DMXL1: variants seen among roughly 807,000 people sequenced by gnomAD.
DMXL1 encodes the protein dmX-like protein 1.
In DMXL1, 99 loss-of-function variants were observed where a neutral mutation model predicts 319.2. That is an observed-to-expected ratio of 0.31 (90% CI 0.26 to 0.37). The LOEUF (loss-of-function observed/expected upper bound fraction) is 0.37. Among genes scored for constraint, DMXL1 ranks in the 10% least tolerant of loss-of-function variants. The probability of loss-of-function intolerance (pLI) is 1.00; values close to 1 mark genes in which losing one functional copy is unlikely to be tolerated. For synonymous variants in DMXL1, 1,385 were observed against 1,235.2 expected, an observed-to-expected ratio of 1.12 and a Z score of -2.54; for missense variants, 3,745 against 3,595.6, an observed-to-expected ratio of 1.04 and a Z score of -1.06.
At chr5:119,097,413 A>T (rs905310204) in intron 1 of DMXL1, among the ~76,000 whole-genome samples, 2 of 152,196 alleles carry the variant, frequency 1.3e-5, no homozygotes, top group Non-Finnish European at 2.9e-5. Flanking sequence ...GGGTGGTAGC[A>T]TTCACTGGAG....
chr5:119,112,424 A>G (rs1759841076), intron 5 of DMXL1, among the ~76,000 whole-genome samples: 1 of 152,186 alleles, frequency 6.6e-6, no homozygotes, highest in Admixed American at 6.5e-5. Flanking sequence ...CTATGAACAG[A>G]TAGGGGTAGA....
chr5:119,191,784 G>T (rs1459534608), intron 29 of DMXL1, among the ~76,000 whole-genome samples: 164 of 152,272 alleles, frequency 1.1e-3, no homozygotes, highest in Non-Finnish European at 2.8e-4. Context: ...AGTCTTCACA[G>T]CCTTCCCTGC....
chr5:119,169,524 T>C (rs1774133799), intron 23 of DMXL1, among the ~76,000 whole-genome samples: 1 of 152,178 alleles, frequency 6.6e-6, no homozygotes, highest in African/African-American at 2.4e-5. Flanking sequence ...AGGTGAACTT[T>C]GATCAGAGAA....
intron 1 of DMXL1, among the ~76,000 whole-genome samples, chr5:119,083,847 G>A (rs969422599): frequency 1.3e-5 from 2 of 151,834 alleles, no homozygotes; most frequent in African/African-American, 4.8e-5. Context: ...CAGTTTTTAG[G>A]TTTTTGAGAA....
chr5:119,247,432 A>G lies in DMXL1; in HGVS notation c.*213A>G. ...TTGCCTAAAGTAGAATGTGTAAGTA[A>G]TGCTGTAATAATACATATCATAGTA... On this transcript the variant is annotated 3_prime_UTR_variant, in exon 44 of 44. Transcript: ENST00000539542. The G allele has an allele frequency of 4.5e-6, 2 of 440,278 alleles. No individual in the cohort carries two copies. Among genetic ancestry groups the G allele is most frequent in the Admixed American group, 7.2e-5 (2 of 27,960 alleles). 27.3% of individuals were successfully genotyped at this position (440,278 alleles called of 1,614,324 possible).
chr5:119,182,032 C>G (rs1330958758), intron 28 of DMXL1, among the ~76,000 whole-genome samples: 1 of 151,906 alleles, frequency 6.6e-6, no homozygotes, highest in Non-Finnish European at 1.5e-5. Flanking sequence ...ATTATGTTGC[C>G]CTGAAAACTT....
chr5:119,123,373 GGGA>G (rs1561645654), intron 9 of DMXL1, among the ~76,000 whole-genome samples: 1 of 98,494 alleles, frequency 1.0e-5, no homozygotes, highest in South Asian at 3.8e-4. Context: ...AGGAGGGAGA[GGGA>G]GAGGGAGAGG....
chr5:119,240,777 C>T (rs542594769), intron 42 of DMXL1, among the ~76,000 whole-genome samples: 1 of 152,256 alleles, frequency 6.6e-6, no homozygotes, highest in African/African-American at 2.4e-5. Context: ...TCTTACCACT[C>T]CTATTCAACA....
At chr5:119,151,025 A>G (rs1334262476) in intron 18 of DMXL1, among the ~76,000 whole-genome samples, 1 of 152,220 alleles carries the variant, frequency 6.6e-6, no homozygotes, top group Non-Finnish European at 1.5e-5. Context: ...GAGTTTAGCA[A>G]AATTTAACAG....
intron 35 of DMXL1, among the ~76,000 whole-genome samples, chr5:119,218,000 C>T (rs1471736284): frequency 6.6e-6 from 1 of 152,024 alleles, no homozygotes; most frequent in African/African-American, 2.4e-5. Flanking sequence ...AGAAACAGTT[C>T]TGTTTGAAAC....
At chr5:119,195,101 G>T (rs1779384183) in intron 30 of DMXL1, among the ~76,000 whole-genome samples, 1 of 152,026 alleles carries the variant, frequency 6.6e-6, no homozygotes, top group African/African-American at 2.4e-5. Context: ...AAATAACAGT[G>T]CTGGCAAGGA....
At chr5:119,183,562 T>A (rs995827367) in intron 28 of DMXL1, among the ~76,000 whole-genome samples, 2 of 151,814 alleles carry the variant, frequency 1.3e-5, no homozygotes, top group African/African-American at 4.8e-5. Flanking sequence ...AGCCTCCGCC[T>A]CCCAGGTTCA....
intron 39 of DMXL1, chr5:119,236,338 T>C (rs189684412): frequency 6.6e-6 from 1 of 152,188 alleles, no homozygotes; most frequent in East Asian, 1.9e-4. Flanking sequence ...TTAACAAAAC[T>C]TTCCCATTTC....
rs1479902011 is a variant in DMXL1, at chr5:119,121,124, A to G, written c.1087A>G (p.Ile363Val). 5.6e-6 allele frequency: 9 copies of G among 1,605,814 alleles called. No individual in the cohort carries two copies. The highest frequency in any genetic ancestry group is 5.2e-5 in the Admixed American group (3 of 57,302). Residue 363 changes from isoleucine to valine, a missense_variant, in exon 9 of 44, where the codon ATC becomes GTC. By Grantham distance (29) the Ile-to-Val change is conservative. Coordinates refer to ENST00000539542, the MANE Select transcript of DMXL1 (RefSeq NM_001290321.3). ...ALCHFHIAAS[I>V]NPATDIPLLP... The stretch of plus-strand genomic sequence containing the variant: ...TTGCCACTTTCATATTGCAGCCAGC[A>G]TCAACCCAGCCACAGGTAATGAAAC...
chr5:119,119,032 A>C (rs549335030), intron 8 of DMXL1, 28 bp downstream of exon 8: 5 of 1,531,850 alleles, frequency 3.3e-6, no homozygotes, highest in Non-Finnish European at 3.5e-6. Context: ...ATTACTTACT[A>C]CAAGTTTTAA....
At chr5:119,115,384 A>C (rs536717955) in intron 6 of DMXL1, among the ~76,000 whole-genome samples, 1 of 152,168 alleles carries the variant, frequency 6.6e-6, no homozygotes, top group Non-Finnish European at 1.5e-5. Context: ...TTACCTGTCT[A>C]TTTTAAAGCA....
intron 37 of DMXL1, among the ~76,000 whole-genome samples, chr5:119,221,930 C>G (rs188483499): frequency 8.6e-5 from 13 of 151,862 alleles, no homozygotes; most frequent in African/African-American, 2.9e-4. Context: ...ATTTGTACTT[C>G]CAAGCCTTTA....
At chr5:119,146,675 G>A (rs1768615121) in intron 15 of DMXL1, among the ~76,000 whole-genome samples, 162 bp from the exon 16 acceptor site, 1 of 151,984 alleles carries the variant, frequency 6.6e-6, no homozygotes, top group South Asian at 2.1e-4. Flanking sequence ...AATTCATGTG[G>A]TAAAGGATTT....
intron 4 of DMXL1, among the ~76,000 whole-genome samples, chr5:119,106,245 A>T (rs1418201671): frequency 6.6e-6 from 1 of 152,170 alleles, no homozygotes; most frequent in Non-Finnish European, 1.5e-5. Context: ...GCATTCTGAG[A>T]GTGAAAGTAG....
Sources: gnomAD v4.1 joint callset for allele counts (sites outside exome capture counted in the v4.1 genomes callset) on GRCh38, gnomAD v4.1.1 for gene constraint, MANE v1.5 for transcripts, NCBI Gene and HGNC (gene_info 2026-07-23, HGNC 2026-07-21) for gene names.